Variants in TTC27 observed in about 807,000 individuals in gnomAD.
The protein encoded by TTC27 is tetratricopeptide repeat domain 27.
Under a neutral mutation model 115.9 loss-of-function variants are expected in TTC27, and 79 were observed. The observed-to-expected ratio is 0.68, with a 90% CI of 0.57 to 0.82. The LOEUF is 0.82. Among genes scored for constraint, TTC27 ranks in the 40% least tolerant of loss-of-function variants. TTC27 has a pLI of 0.00. For synonymous variants in TTC27, 401 were observed against 356.0 expected (o/e 1.13, Z -1.42); for missense variants, 1,054 against 993.1 (o/e 1.06, Z -0.82).
intron 5 of TTC27, 109 bp from the exon 6 acceptor site, chr2:32,664,194 A>C (rs1665672873): frequency 3.1e-6 from 3 of 956,586 alleles, no homozygotes; most frequent in African/African-American, 3.3e-5. Context: ...AAATTATTTA[A>C]CAACAGAGAC....
intron 16 of TTC27, among the ~76,000 whole-genome samples, chr2:32,796,941 G>A (rs2148031950): frequency 6.6e-6 from 1 of 151,978 alleles, no homozygotes; most frequent in African/African-American, 2.4e-5. Context: ...GGGAGGATGA[G>A]GTGGGCAGAT....
intron 12 of TTC27, among the ~76,000 whole-genome samples, chr2:32,755,496 T>C (rs912593107): frequency 2.3e-4 from 35 of 152,112 alleles, no homozygotes; most frequent in Admixed American, 1.2e-3. Flanking sequence ...GGCAGGAGAA[T>C]CAGGCAGGGA....
chr2:32,784,078 T>G (rs1440096988), intron 15 of TTC27, among the ~76,000 whole-genome samples: 1 of 152,210 alleles, frequency 6.6e-6, no homozygotes, highest in Non-Finnish European at 1.5e-5. Flanking sequence ...CTGGAGACCT[T>G]TTTGGTTTAA....
chr2:32,676,125 T>C (rs1158252580), intron 8 of TTC27, among the ~76,000 whole-genome samples: 3 of 152,006 alleles, frequency 2.0e-5, no homozygotes, highest in Non-Finnish European at 4.4e-5. Context: ...TGTAGATTGG[T>C]ACAACAGTGG....
At chr2:32,628,503 C>T in intron 1 of TTC27, 123 bp downstream of exon 1, 2 of 1,016,910 alleles carry the variant, frequency 2.0e-6, no homozygotes, top group East Asian at 6.1e-5. Context: ...TTCCTTGAGG[C>T]TTTGGGTCGT....
intron 13 of TTC27, among the ~76,000 whole-genome samples, chr2:32,761,100 A>C (rs573320202): frequency 4.0e-5 from 6 of 151,348 alleles, no homozygotes; most frequent in African/African-American, 1.2e-4. Flanking sequence ...CCCATTCCTC[A>C]CTCCAACCTA....
chr2:32,812,722 A>G, intron 18 of TTC27, 107 bp downstream of exon 18: 1 of 754,286 alleles, frequency 1.3e-6, no homozygotes, highest in Non-Finnish European at 2.2e-6. Flanking sequence ...GTATCAAATT[A>G]TTTCATTATA....
At chr2:32,755,629 C>CGAAGAG (rs1558327022) in intron 12 of TTC27, among the ~76,000 whole-genome samples, 2 of 150,300 alleles carry the variant, frequency 1.3e-5, no homozygotes, top group African/African-American at 4.9e-5. Context: ...CGTGGGGAGA[C>CGAAGAG]GGAGAGGGAG....
At chr2:32,754,320 C>T (rs1300400401) in intron 12 of TTC27, among the ~76,000 whole-genome samples, 1 of 149,744 alleles carries the variant, frequency 6.7e-6, no homozygotes, top group African/African-American at 2.5e-5. Context: ...TCCCTGGGTA[C>T]TTGAGATTAG....
At chr2:32,772,931 G>C (rs1669877928) in intron 13 of TTC27, among the ~76,000 whole-genome samples, 1 of 152,128 alleles carries the variant, frequency 6.6e-6, no homozygotes. Context: ...GAGACTCATA[G>C]GTTAAGTGAC....
chr2:32,672,400 A>G lies in TTC27; in HGVS notation c.1052+16A>G. 6.3e-7 allele frequency: 1 copy of G among 1,582,814 alleles called. No individual in the cohort carries two copies. Reference sequence around the variant, plus strand: ...TTGGAATCTGGTGAGTTAATGACTGACTTGGCTGCTTTGAACACTTTGCAT... The same window carrying G: ...TTGGAATCTGGTGAGTTAATGACTGGCTTGGCTGCTTTGAACACTTTGCAT... On this transcript the variant is annotated intron_variant, in intron 8 of 19. Transcript: ENST00000317907.
intron 12 of TTC27, 115 bp from the exon 13 acceptor site, chr2:32,758,177 C>A: frequency 2.2e-6 from 2 of 920,730 alleles, no homozygotes; most frequent in Non-Finnish European, 1.6e-6. Flanking sequence ...AATAAGAAAT[C>A]TCAAACGTTG....
At chr2:32,761,137 C>T (rs181429813) in intron 13 of TTC27, among the ~76,000 whole-genome samples, 1 of 152,248 alleles carries the variant, frequency 6.6e-6, no homozygotes, top group African/African-American at 2.4e-5. Flanking sequence ...AAGTGTTCTC[C>T]CCATCCCTAA....
Position 32,640,159 on chromosome 2 carries a change from T to C in TTC27, c.397-111T>C, listed in dbSNP as rs555376390. On this transcript the variant is annotated intron_variant, in intron 3 of 19. Coordinates refer to ENST00000317907, the MANE Select transcript of TTC27 (RefSeq NM_017735.5). ...TGCCAATTGCTGTGTAATATATTAA[T>C]GCTTTTGTTTCAAAGCTGAGTTGAC... The C allele has an allele frequency of 3.4e-5, 34 of 998,738 alleles. No individual in the cohort carries two copies. In the African/African-American group the frequency reaches 5.4e-4, roughly 16 times the overall value. 61.9% of individuals were successfully genotyped at this position (998,738 alleles called of 1,614,324 possible).
intron 16 of TTC27, 73 bp downstream of exon 16, chr2:32,787,222 C>A: frequency 1.3e-6 from 2 of 1,493,206 alleles, no homozygotes; most frequent in East Asian, 2.3e-5. Flanking sequence ...TAAATTATTT[C>A]CTTGAATATG....
chr2:32,630,825 G>T (rs1202835651), intron 2 of TTC27, 125 bp downstream of exon 2: 3 of 797,112 alleles, frequency 3.8e-6, no homozygotes, highest in East Asian at 2.7e-5. Context: ...AAGACTCATG[G>T]TGTACCAAGT....
chr2:32,730,296 C>CA (rs1446555199), intron 10 of TTC27, among the ~76,000 whole-genome samples: 13 of 152,092 alleles, frequency 8.5e-5, no homozygotes, highest in South Asian at 8.3e-4. Context: ...AAGTATTGTT[C>CA]AAAAAATCAT....
intron 13 of TTC27, among the ~76,000 whole-genome samples, chr2:32,763,737 C>T (rs1261046761): frequency 1.3e-5 from 2 of 152,212 alleles, no homozygotes; most frequent in Non-Finnish European, 2.9e-5. Context: ...AACCAAAAGA[C>T]GTACCACTTA....
chr2:32,674,460 T>C (rs1400801693), intron 8 of TTC27, among the ~76,000 whole-genome samples: 1 of 152,010 alleles, frequency 6.6e-6, no homozygotes, highest in South Asian at 2.1e-4. Context: ...CAAAATCTTA[T>C]TCTTTTAATT....
Sources: gnomAD v4.1 joint callset for allele counts (sites outside exome capture counted in the v4.1 genomes callset) on GRCh38, gnomAD v4.1.1 for gene constraint, MANE v1.5 for transcripts, NCBI Gene and HGNC (gene_info 2026-07-23, HGNC 2026-07-21) for gene names.